VPS8: variants seen among roughly 807,000 people sequenced by gnomAD.
VPS8 encodes the protein VPS8 subunit of CORVET complex.
Under a neutral mutation model 216.4 loss-of-function variants are expected in VPS8, and 129 were observed. The ratio of observed to expected loss-of-function variants is 0.60; its 90% confidence interval spans 0.52 to 0.69. VPS8 has a LOEUF of 0.69. Ranked by LOEUF, VPS8 falls within the 30% of genes least tolerant of loss-of-function variation. The pLI is 0.00. For missense variants in VPS8, 1,531 were observed against 1,683.5 expected, an observed-to-expected ratio of 0.91 and a Z score of 1.59; for synonymous variants, 571 against 565.4, an observed-to-expected ratio of 1.01 and a Z score of -0.14.
intron 40 of VPS8, among the ~76,000 whole-genome samples, chr3:184,973,196 A>C (rs1748711374): frequency 2.6e-5 from 4 of 152,230 alleles, no homozygotes; most frequent in Admixed American, 2.6e-4. Context: ...GTTATGCAGA[A>C]GAATGGGTTT....
intron 8 of VPS8, among the ~76,000 whole-genome samples, chr3:184,844,824 C>G (rs1038838587): frequency 1.3e-5 from 2 of 152,188 alleles, no homozygotes; most frequent in African/African-American, 2.4e-5. Flanking sequence ...ATTTGGCCTT[C>G]AAGTTATCTA....
chr3:184,935,869 T>G (rs1324746377), intron 34 of VPS8, among the ~76,000 whole-genome samples: 1 of 152,196 alleles, frequency 6.6e-6, no homozygotes, highest in Non-Finnish European at 1.5e-5. Context: ...ATTACAACTA[T>G]TCTTTCTCGT....
At chr3:184,893,386 T>C in intron 22 of VPS8, 1 of 1,152,042 alleles carries the variant, frequency 8.7e-7, no homozygotes, top group Non-Finnish European at 1.1e-6. Flanking sequence ...AATTACACAT[T>C]TAGGAAAAAG....
At chr3:184,883,307 G>T (rs1730596710) in intron 21 of VPS8, among the ~76,000 whole-genome samples, 1 of 152,084 alleles carries the variant, frequency 6.6e-6, no homozygotes, top group Non-Finnish European at 1.5e-5. Flanking sequence ...TGATAACTTA[G>T]AAATCTGTAA....
intron 21 of VPS8, among the ~76,000 whole-genome samples, chr3:184,875,989 C>CAA (rs557804099): frequency 5.9e-5 from 8 of 136,508 alleles, no homozygotes; most frequent in Admixed American, 7.4e-5. Flanking sequence ...GACCCTGTCT[C>CAA]AAAAAAAAAA....
intron 1 of VPS8, chr3:184,824,063 T>C (rs1251414393): frequency 6.6e-6 from 1 of 152,414 alleles, no homozygotes; most frequent in Non-Finnish European, 1.5e-5. Context: ...TTGTTCATCC[T>C]CAGTGTTTCT....
At chr3:184,844,687 C>T (rs1421884958) in intron 8 of VPS8, among the ~76,000 whole-genome samples, 4 of 152,160 alleles carry the variant, frequency 2.6e-5, no homozygotes, top group Non-Finnish European at 5.9e-5. Flanking sequence ...TGCTATTCAG[C>T]ATATTATTCT....
chr3:184,931,978 C>T (rs1414181949), intron 34 of VPS8, among the ~76,000 whole-genome samples: 1 of 152,096 alleles, frequency 6.6e-6, no homozygotes, highest in East Asian at 1.9e-4. Flanking sequence ...AAACATTGCT[C>T]AGCAAAAAAC....
chr3:185,043,133 C>T (rs894084473), intron 46 of VPS8, among the ~76,000 whole-genome samples: 12 of 152,132 alleles, frequency 7.9e-5, no homozygotes. Context: ...CCGCGAGCAG[C>T]CCATGAAACC....
chr3:185,004,519 G>A (rs561430427), intron 45 of VPS8, among the ~76,000 whole-genome samples: 2 of 65,854 alleles, frequency 3.0e-5, no homozygotes, highest in African/African-American at 7.4e-5. Flanking sequence ...GCGGGGAGAG[G>A]GAGAGGGAGA....
At chr3:184,866,206 T>A (rs191375687) in intron 16 of VPS8, among the ~76,000 whole-genome samples, 1 of 152,338 alleles carries the variant, frequency 6.6e-6, no homozygotes, top group African/African-American at 2.4e-5. Flanking sequence ...TTTAATAGAA[T>A]ACTGTTCCAC....
intron 45 of VPS8, among the ~76,000 whole-genome samples, chr3:185,019,404 C>T (rs1756317229): frequency 6.6e-6 from 1 of 152,172 alleles, no homozygotes; most frequent in South Asian, 2.1e-4. Flanking sequence ...TCAGGAGTCT[C>T]AGCCTTCAGA....
intron 16 of VPS8, among the ~76,000 whole-genome samples, chr3:184,866,000 A>T (rs189856700): frequency 2.1e-4 from 32 of 152,042 alleles, no homozygotes. Context: ...AAAAAAAAAA[A>T]AAGTTAAACA....
At position 185,052,338 on chromosome 3, in the gene VPS8, C is replaced by A; in HGVS notation, c.*313C>A. 4.6e-6 allele frequency: 1 copy of A among 218,624 alleles called. No homozygotes were observed. Among genetic ancestry groups the A allele is most frequent in the Non-Finnish European group, 9.0e-6 (1 of 111,154 alleles). The allele number at this position is 218,624 out of a possible 1,614,324, so 13.5% of individuals were successfully genotyped here. On this transcript the variant is annotated 3_prime_UTR_variant, in exon 48 of 48. Coordinates refer to ENST00000625842, the MANE Select transcript of VPS8 (RefSeq NM_001009921.3). ...GCCTATTGCGACTTTTTCCATTTACCCTGAAGCCTAGAAAGTAGGTGGAAC... is the reference window on the plus strand; with the variant it reads ...GCCTATTGCGACTTTTTCCATTTACACTGAAGCCTAGAAAGTAGGTGGAAC...
chr3:184,939,247 GAAGAAAGTCATGTA>G (rs1460017946), intron 35 of VPS8, among the ~76,000 whole-genome samples: 7 of 151,842 alleles, frequency 4.6e-5, no homozygotes, highest in African/African-American at 1.7e-4. Context: ...TTATAACTGA[GAAGAAAGTCATGTA>G]AAATAACACA....
chr3:184,861,656 G>A (rs1171183837), intron 15 of VPS8, among the ~76,000 whole-genome samples: 2 of 152,212 alleles, frequency 1.3e-5, no homozygotes, highest in Non-Finnish European at 2.9e-5. Context: ...AGAAGTGTAT[G>A]TGACCATTAA....
chr3:184,979,633 TA>T (rs1160707746), intron 40 of VPS8, among the ~76,000 whole-genome samples: 1 of 152,178 alleles, frequency 6.6e-6, no homozygotes, highest in Admixed American at 6.5e-5. Flanking sequence ...TGCTCTTTTT[TA>T]TTTTTTTGTT....
Position 184,913,575 on chromosome 3 carries a change from AT to A in VPS8, c.2189+17del. ...TGTATATATTAGGTAAGATTGTTTT[AT>A]TTATTCATCTGCATGTATGTTCTTT... On this transcript the variant is annotated intron_variant, in intron 26 of 47. Coordinates refer to ENST00000625842, the MANE Select transcript of VPS8 (RefSeq NM_001009921.3). The A allele has an allele frequency of 3.2e-6, 5 of 1,555,218 alleles. No homozygotes were observed. The highest frequency in any genetic ancestry group is 4.4e-6 in the Non-Finnish European group (5 of 1,145,040).
rs1267142058 is a variant in VPS8 at position 184,860,023 on chromosome 3, G to C, written c.1182G>C (p.Lys394Asn). 6.2e-7 allele frequency: 1 copy of C among 1,613,118 alleles called. No homozygotes were observed. Among genetic ancestry groups the C allele is most frequent in the African/African-American group, 1.3e-5 (1 of 74,856 alleles). ...RDESGAIHVT[K>N]QKHLHLYYDL... is the part of the protein sequence containing the mutation. Reference sequence around the variant, plus strand: ...AATCTGGAGCAATACATGTTACTAAGCAAAAGCATCTTCACCTATACTATG... The same window carrying C: ...AATCTGGAGCAATACATGTTACTAACCAAAAGCATCTTCACCTATACTATG... The change falls in exon 15 of 48, where the codon AAG (lysine) becomes AAC (asparagine). Residue 394 changes from lysine to asparagine, a missense_variant. Lys to Asn is a moderately conservative substitution (Grantham distance 94). Around this residue, in one of 3 missense-constraint regions of VPS8, gnomAD observed 1,318 missense variants for 1,468.4 expected, o/e 0.90. Transcript: ENST00000625842.
Sources: gnomAD v4.1 joint callset for allele counts (sites outside exome capture counted in the v4.1 genomes callset) on GRCh38, gnomAD v4.1.1 for gene constraint, gnomAD v4.1.1 regional missense constraint, MANE v1.5 for transcripts, NCBI Gene and HGNC (gene_info 2026-07-23, HGNC 2026-07-21) for gene names.